Variants in PTPRN2 observed in about 807,000 individuals in gnomAD.
PTPRN2 encodes the protein receptor-type tyrosine-protein phosphatase N2.
Under a neutral mutation model 118.8 loss-of-function variants are expected in PTPRN2, and 74 were observed. The ratio of observed to expected loss-of-function variants is 0.62; its 90% CI spans 0.52 to 0.76. The LOEUF (loss-of-function observed/expected upper bound fraction) is 0.76. Ranked by LOEUF, PTPRN2 falls within the 30% of genes least tolerant of loss-of-function variation. The pLI is 0.00. For missense variants in PTPRN2, 1,481 were observed against 1,394.4 expected (o/e 1.06, Z -0.99); for synonymous variants, 641 against 608.0 (o/e 1.05, Z -0.80).
intron 3 of PTPRN2, among the ~76,000 whole-genome samples, chr7:158,276,751 G>A (rs1799033207): frequency 6.6e-6 from 1 of 152,242 alleles, no homozygotes; most frequent in Non-Finnish European, 1.5e-5. Flanking sequence ...GCTGCTGCGG[G>A]GCCCTGATGC....
At chr7:157,928,662 G>A (rs1037876907) in intron 11 of PTPRN2, among the ~76,000 whole-genome samples, 2 of 139,860 alleles carry the variant, frequency 1.4e-5, no homozygotes, top group Non-Finnish European at 1.5e-5. Flanking sequence ...GGCTGGGAGT[G>A]CAAGTTCCGA....
At chr7:158,146,441 G>A (rs1486052617) in intron 6 of PTPRN2, among the ~76,000 whole-genome samples, 5 of 152,004 alleles carry the variant, frequency 3.3e-5, no homozygotes, top group Admixed American at 2.0e-4. Flanking sequence ...GAAATAATAG[G>A]CTGGGCTTGG....
At chr7:158,139,808 G>C (rs1164839802) in intron 6 of PTPRN2, among the ~76,000 whole-genome samples, 1 of 152,212 alleles carries the variant, frequency 6.6e-6, no homozygotes, top group Non-Finnish European at 1.5e-5. Flanking sequence ...GCAGAGTCAG[G>C]CATTTGACGT....
At position 158,041,690 on chromosome 7, in the gene PTPRN2, C is replaced by T. The variant is rs149209366; in HGVS notation, c.1723+39608G>A. On this transcript the variant is annotated intron_variant, in intron 11 of 22. Coordinates refer to ENST00000389418, the MANE Select transcript of PTPRN2 (RefSeq NM_002847.5). ...GAAAACAAAAAGAAAAGAAAAGAAA[C>T]AATTGAAGGCTACAAATAGTCAATA... 3.3e-5 allele frequency among the ~76,000 whole-genome samples: 5 copies of T among 152,226 alleles called. No individual in the cohort carries two copies. In the East Asian group the frequency reaches 7.7e-4, roughly 23 times the overall value.
chr7:158,538,184 CT>C (rs1453068471), intron 1 of PTPRN2, among the ~76,000 whole-genome samples: 3 of 152,202 alleles, frequency 2.0e-5, no homozygotes, highest in Non-Finnish European at 4.4e-5. Context: ...TAGGGGCCCC[CT>C]GTAAGTGGCT....
intron 11 of PTPRN2, among the ~76,000 whole-genome samples, chr7:157,898,940 G>T (rs1044511516): frequency 7.2e-5 from 11 of 152,188 alleles, no homozygotes; most frequent in Non-Finnish European, 1.2e-4. Context: ...CGTCCACCTC[G>T]GGCCGGCACA....
At chr7:158,152,096 C>T (rs34044187) in intron 6 of PTPRN2, among the ~76,000 whole-genome samples, 93,513 of 149,416 alleles carry the variant, frequency 0.63, 30,052 homozygotes, top group East Asian at 0.79. Flanking sequence ...ATGGTGTGAA[C>T]CCGGGAGGCG....
intron 11 of PTPRN2, among the ~76,000 whole-genome samples, chr7:157,962,038 G>A (rs765029636): frequency 4.6e-5 from 7 of 152,198 alleles, no homozygotes; most frequent in Non-Finnish European, 1.0e-4. Context: ...CTCAGTGCCC[G>A]GCGGGTGCAC....
chr7:158,165,089 G>A (rs553211756), intron 6 of PTPRN2, among the ~76,000 whole-genome samples: 5 of 73,862 alleles, frequency 6.8e-5, no homozygotes, highest in South Asian at 9.3e-4. Context: ...CAGTACCCAC[G>A]AAAGCGCAGG....
intron 12 of PTPRN2, among the ~76,000 whole-genome samples, chr7:157,767,963 G>A (rs1179514161): frequency 1.3e-5 from 2 of 152,180 alleles, no homozygotes; most frequent in East Asian, 1.9e-4. Context: ...GTCATGGGAC[G>A]CTTCCATACA....
At chr7:157,973,796 T>C (rs146131536) in intron 11 of PTPRN2, among the ~76,000 whole-genome samples, 2,066 of 152,280 alleles carry the variant, frequency 0.014, 44 homozygotes, top group South Asian at 0.068. Flanking sequence ...ATAAAATAAA[T>C]AGCATGCTTT....
At chr7:157,932,551 G>A (rs180682665) in intron 11 of PTPRN2, among the ~76,000 whole-genome samples, 25 of 151,770 alleles carry the variant, frequency 1.6e-4, no homozygotes, top group African/African-American at 6.0e-4. Context: ...CAGTCTGATT[G>A]ACAGTTTTAG....
chr7:158,128,785 A>T (rs1817908273), intron 9 of PTPRN2, among the ~76,000 whole-genome samples: 1 of 151,924 alleles, frequency 6.6e-6, no homozygotes, highest in Non-Finnish European at 1.5e-5. Flanking sequence ...TCTCTGGGGC[A>T]CTCTCCTACC....
intron 11 of PTPRN2, among the ~76,000 whole-genome samples, chr7:158,013,283 T>C (rs944367168): frequency 6.6e-6 from 1 of 152,234 alleles, no homozygotes; most frequent in African/African-American, 2.4e-5. Context: ...TGCACAGACT[T>C]GGCAAGTTTC....
At chr7:157,970,771 C>T (rs1366067600) in intron 11 of PTPRN2, among the ~76,000 whole-genome samples, 1 of 152,014 alleles carries the variant, frequency 6.6e-6, no homozygotes, top group Non-Finnish European at 1.5e-5. Flanking sequence ...GGCTTCTGTG[C>T]CCAGCATGCC....
At chr7:157,795,559 C>A (rs767472449) in intron 12 of PTPRN2, among the ~76,000 whole-genome samples, 7 of 152,258 alleles carry the variant, frequency 4.6e-5, no homozygotes, top group Non-Finnish European at 8.8e-5. Flanking sequence ...CAGCCACTTT[C>A]TGTGCTTGCT....
intron 12 of PTPRN2, among the ~76,000 whole-genome samples, chr7:157,740,935 T>A (rs141435807): frequency 6.6e-6 from 1 of 152,336 alleles, no homozygotes; most frequent in African/African-American, 2.4e-5. Context: ...GGAAAACCCA[T>A]GGGCCACTTT....
chr7:157,713,141 C>T (rs1413067966), intron 12 of PTPRN2, among the ~76,000 whole-genome samples: 2 of 152,350 alleles, frequency 1.3e-5, no homozygotes, highest in African/African-American at 2.4e-5. Context: ...GAGGTCGTTT[C>T]CATCTGATGG....
intron 5 of PTPRN2, among the ~76,000 whole-genome samples, chr7:158,186,890 T>C (rs551665684): frequency 6.6e-6 from 1 of 152,384 alleles, no homozygotes; most frequent in South Asian, 2.1e-4. Context: ...TAGCACCATT[T>C]CTTGTATGTT....
Sources: allele counts gnomAD v4.1 joint callset (sites outside exome capture counted in the v4.1 genomes callset), GRCh38; gene constraint gnomAD v4.1.1; transcripts MANE v1.5; gene names NCBI Gene and HGNC (gene_info 2026-07-23, HGNC 2026-07-21).